The following CDKAL1 variants were observed in gnomAD, a reference collection of about 807,000 sequenced individuals.
CDKAL1 encodes threonylcarbamoyladenosine tRNA methylthiotransferase.
A neutral mutation model predicts 68.2 loss-of-function variants in CDKAL1; 32 were observed. The observed-to-expected ratio is 0.47, with a 90% confidence interval of 0.35 to 0.63. The LOEUF is 0.63. Ranked by LOEUF, CDKAL1 falls within the 30% of genes least tolerant of loss-of-function variation. The probability of loss-of-function intolerance (pLI) is 0.00; values close to 1 mark genes in which losing one functional copy is unlikely to be tolerated. For synonymous variants in CDKAL1, 234 were observed against 244.3 expected (o/e 0.96, Z 0.39); for missense variants, 606 against 696.7 (o/e 0.87, Z 1.47).
chr6:20,617,741 A>G (rs1245559135), intron 4 of CDKAL1, among the ~76,000 whole-genome samples: 1 of 152,132 alleles, frequency 6.6e-6, no homozygotes, highest in South Asian at 2.1e-4. Flanking sequence ...TGCAAAGGAC[A>G]TGAGCTCATC....
Position 20,955,576 on chromosome 6 carries a change from G to A in CDKAL1, c.900G>A (p.Glu300=). ...LGMTNPPYIL[E]HLEEMAKILN... ...TGACAAATCCGCCCTATATTTTAGA[G>A]CATCTGGAGGTAAGGAAAAGCACCC... Residue 300 remains glutamate, a synonymous_variant, in exon 10 of 16, where the codon GAG becomes GAA. Coordinates refer to ENST00000274695, the MANE Select transcript of CDKAL1 (RefSeq NM_017774.3). The A allele has an allele frequency of 3.1e-6, 5 of 1,613,996 alleles. No individual in the cohort carries two copies. The South Asian group carries it at 4.4e-5, about 14-fold the overall frequency.
intron 6 of CDKAL1, among the ~76,000 whole-genome samples, chr6:20,748,555 GAAAAAAAAAAAAAAAAAAAAA>G (rs760404728): frequency 1.4e-4 from 4 of 28,742 alleles, no homozygotes; most frequent in South Asian, 1.7e-3. Context: ...TCTGTTTCTG[GAAAAAAAAAAAAAAAAAAAAA>G]AAAAAAAAAA....
chr6:20,876,611 G>C (rs535919191), intron 9 of CDKAL1, among the ~76,000 whole-genome samples: 2 of 152,120 alleles, frequency 1.3e-5, no homozygotes, highest in Admixed American at 1.3e-4. Flanking sequence ...CAGGAGACAG[G>C]GATTTCTTGG....
intron 5 of CDKAL1, among the ~76,000 whole-genome samples, chr6:20,654,245 T>C (rs1331275868): frequency 6.6e-6 from 1 of 152,124 alleles, no homozygotes; most frequent in Non-Finnish European, 1.5e-5. Context: ...ATTGGCTATT[T>C]GGATTTTACT....
chr6:20,678,203 G>C (rs1283310451), intron 5 of CDKAL1, among the ~76,000 whole-genome samples: 2 of 151,610 alleles, frequency 1.3e-5, no homozygotes, highest in Non-Finnish European at 2.9e-5. Context: ...CCTCAGGTTG[G>C]TTTTATGTTA....
At chr6:20,797,870 A>G (rs1228355147) in intron 8 of CDKAL1, among the ~76,000 whole-genome samples, 2 of 149,404 alleles carry the variant, frequency 1.3e-5, no homozygotes, top group South Asian at 4.2e-4. Flanking sequence ...AGGCTGGAGT[A>G]TAGTGGCGCA....
At chr6:20,538,942 C>T (rs978843711) in intron 2 of CDKAL1, among the ~76,000 whole-genome samples, 2 of 152,154 alleles carry the variant, frequency 1.3e-5, no homozygotes, top group Admixed American at 6.6e-5. Flanking sequence ...AGAGATGATG[C>T]CTTTGTGCTT....
chr6:20,796,549 A>G (rs192851977), intron 8 of CDKAL1, among the ~76,000 whole-genome samples: 43 of 152,300 alleles, frequency 2.8e-4, no homozygotes, highest in African/African-American at 1.0e-3. Flanking sequence ...GAATAAGAAT[A>G]AGGTTGGAGG....
intron 8 of CDKAL1, among the ~76,000 whole-genome samples, chr6:20,782,318 A>T (rs978534383): frequency 3.9e-5 from 6 of 152,236 alleles, no homozygotes; most frequent in African/African-American, 1.4e-4. Context: ...TCTGGCCTTC[A>T]GCGTTGAAGA....
intron 8 of CDKAL1, among the ~76,000 whole-genome samples, chr6:20,793,238 A>T (rs1198099346): frequency 2.0e-5 from 3 of 152,114 alleles, no homozygotes; most frequent in Non-Finnish European, 4.4e-5. Flanking sequence ...GTCTACTTCA[A>T]CTTTCTCATT....
intron 9 of CDKAL1, among the ~76,000 whole-genome samples, chr6:20,920,871 C>T (rs748318459): frequency 5.9e-5 from 9 of 152,156 alleles, no homozygotes; most frequent in Non-Finnish European, 8.8e-5. Flanking sequence ...TGGAATATGG[C>T]AGTCAGGAAG....
At chr6:20,766,219 G>A (rs1774697022) in intron 7 of CDKAL1, among the ~76,000 whole-genome samples, 1 of 151,814 alleles carries the variant, frequency 6.6e-6, no homozygotes, top group Non-Finnish European at 1.5e-5. Context: ...TTAATTATTT[G>A]AAACCACCTT....
intron 13 of CDKAL1, among the ~76,000 whole-genome samples, chr6:21,133,385 A>T (rs1379536456): frequency 6.6e-6 from 1 of 152,014 alleles, no homozygotes; most frequent in Admixed American, 6.5e-5. Context: ...GGTGCTCAGG[A>T]CTCCATGCAT....
At position 20,645,685 on chromosome 6, in the gene CDKAL1, T is replaced by C. The variant is rs1019527511; in HGVS notation, c.287-3608T>C. On this transcript the variant is annotated intron_variant, in intron 4 of 15. Coordinates refer to ENST00000274695, the MANE Select transcript of CDKAL1 (RefSeq NM_017774.3). ...GGCGGAGGTTGCAGTGAGCCGAGAT[T>C]GCGCCACTGTACTCTAGCCTGGTGA... Among the ~76,000 whole-genome samples, 10 of 151,990 alleles carry C rather than the reference T, an allele frequency of 6.6e-5. No homozygotes were observed. The East Asian group carries it at 1.7e-3, about 26-fold the overall frequency.
chr6:20,705,765 C>T (rs2127823342), intron 5 of CDKAL1, among the ~76,000 whole-genome samples: 1 of 152,226 alleles, frequency 6.6e-6, no homozygotes, highest in Non-Finnish European at 1.5e-5. Context: ...TAGTTTTTAG[C>T]AGATCTAACT....
At chr6:20,599,495 G>T in intron 4 of CDKAL1, 1 of 344,870 alleles carries the variant, frequency 2.9e-6, no homozygotes, top group Non-Finnish European at 5.8e-6. Flanking sequence ...TGCAAACACT[G>T]GGTGCTTTAT....
intron 4 of CDKAL1, among the ~76,000 whole-genome samples, chr6:20,612,589 CTTAA>C (rs988188795): frequency 1.2e-4 from 18 of 151,780 alleles, no homozygotes; most frequent in African/African-American, 1.7e-4. Flanking sequence ...TTGCCTGTTT[CTTAA>C]TTAGATTTTT....
intron 15 of CDKAL1, among the ~76,000 whole-genome samples, chr6:21,217,878 C>T (rs568079664): frequency 3.0e-4 from 45 of 152,310 alleles, no homozygotes; most frequent in African/African-American, 9.4e-4. Flanking sequence ...CTACTTTGGC[C>T]TCCCAAAGTA....
intron 10 of CDKAL1, 45 bp downstream of exon 10, chr6:20,955,630 A>G: frequency 6.5e-7 from 1 of 1,548,922 alleles, no homozygotes. Context: ...GACACTAACC[A>G]GTCCAGACAG....
Sources: gnomAD v4.1 joint callset for allele counts (sites outside exome capture counted in the v4.1 genomes callset) on GRCh38, gnomAD v4.1.1 for gene constraint, MANE v1.5 for transcripts, NCBI Gene and HGNC (gene_info 2026-07-23, HGNC 2026-07-21) for gene names.